The following MYO9B variants were observed in gnomAD, a reference collection of about 807,000 sequenced individuals.
MYO9B encodes unconventional myosin-IXb.
A neutral mutation model predicts 229.5 loss-of-function variants in MYO9B; 71 were observed. The ratio of observed to expected loss-of-function variants is 0.31; its 90% CI spans 0.26 to 0.38. The LOEUF is 0.38. MYO9B is among the 10% of genes least tolerant of loss of function. The pLI is 1.00. For missense variants in MYO9B, 2,255 were observed against 2,920.5 expected (o/e 0.77, Z 5.25); for synonymous variants, 1,185 against 1,235.8 (o/e 0.96, Z 0.86).
intron 2 of MYO9B, among the ~76,000 whole-genome samples, chr19:17,117,952 A>AG (rs1182247866): frequency 2.6e-5 from 4 of 151,346 alleles, no homozygotes; most frequent in South Asian, 2.1e-4. Flanking sequence ...AAAAAAAAAA[A>AG]AAAAAGAAAA....
Position 17,187,706 on chromosome 19 carries a change from C to T in MYO9B, c.2578-229C>T, listed in dbSNP as rs1023009871. On this transcript the variant is annotated intron_variant, in intron 18 of 39. Transcript: ENST00000682292. ...CCAGAAAGAGTGTCTGGAGCAAGGA[C>T]GGACCCCTTGTCCAGGTGCTCCTGG... Among the ~76,000 whole-genome samples, 9 of 152,110 alleles carry T rather than the reference C, an allele frequency of 5.9e-5. No homozygotes were observed. In the East Asian group the frequency reaches 1.4e-3, roughly 23 times the overall value.
rs554535521 is a variant in MYO9B at position 17,210,792 on chromosome 19, T to C, written c.5874T>C (p.Asp1958=). 6.3e-7 allele frequency: 1 copy of C among 1,591,672 alleles called. No individual in the cohort carries two copies. The highest frequency in any genetic ancestry group is 1.3e-5 in the African/African-American group (1 of 74,466). Residue 1958 remains aspartate (D), a synonymous_variant, in exon 38 of 40, where the codon GAT becomes GAC. Coordinates refer to ENST00000682292, the MANE Select transcript of MYO9B (RefSeq NM_004145.4). ...VLLEEEAAGG[D]EDREKEILIE... ...TGGAGGAGGAGGCAGCCGGCGGCGA[T>C]GAGGACCGGGAAAAGGAGATTCTCA...
At chr19:17,177,021 T>C (rs1167709830) in intron 14 of MYO9B, among the ~76,000 whole-genome samples, 2 of 151,970 alleles carry the variant, frequency 1.3e-5, no homozygotes, top group Non-Finnish European at 2.9e-5. Context: ...GCCAACATGG[T>C]GAAACCTCGT....
chr19:17,208,079 G>C (rs2145516006), intron 35 of MYO9B: 1 of 151,986 alleles, frequency 6.6e-6, no homozygotes, highest in East Asian at 1.9e-4. Context: ...CAGCTACTGG[G>C]AGGTGGAGGC....
chr19:17,210,520 C>A, intron 37 of MYO9B, 140 bp downstream of exon 37: 1 of 1,252,244 alleles, frequency 8.0e-7, no homozygotes, highest in Non-Finnish European at 1.1e-6. Context: ...AGGCCCCTTG[C>A]CTGCTGACCT....
chr19:17,167,485 T>G lies in MYO9B; in HGVS notation c.1672-458T>G, dbSNP rs918673641. 1.0e-3 allele frequency among the ~76,000 whole-genome samples: 156 copies of G among 150,748 alleles called. 1 individual carries two copies. The highest frequency in any genetic ancestry group is 3.7e-3 in the African/African-American group (152 of 41,076). On this transcript the variant is annotated intron_variant, in intron 10 of 39. Transcript: ENST00000682292. ...TATTATTAGAGCTATTTTTTTTTTT[T>G]TTTTTTTGTGACGGAGTTTCGCTCT...
At chr19:17,192,161 C>T (rs1051371688) in intron 20 of MYO9B, among the ~76,000 whole-genome samples, 2 of 151,758 alleles carry the variant, frequency 1.3e-5, no homozygotes, top group Admixed American at 6.6e-5. Context: ...TTATTACAGG[C>T]ACACACCTGT....
At chr19:17,144,200 AG>A (rs1284668978) in intron 2 of MYO9B, among the ~76,000 whole-genome samples, 1 of 150,874 alleles carries the variant, frequency 6.6e-6, no homozygotes, top group Non-Finnish European at 1.5e-5. Context: ...TGGGCAACAG[AG>A]CGAGACCCCA....
In MYO9B at chr19:17,102,267, G is replaced by C; in HGVS notation, c.550G>C (p.Val184Leu). 6.2e-7 allele frequency: 1 copy of C among 1,614,014 alleles called. No individual in the cohort carries two copies. Among genetic ancestry groups the C allele is most frequent in the Non-Finnish European group, 8.5e-7 (1 of 1,179,898 alleles). ...CTACACGTACGCGGGGAGCATCCTG[G>C]TGGCCATCAACCCCTTTAAGTTCCT... ...KIYTYAGSILVAINPFKFLPI... is the reference protein window; with the variant it reads ...KIYTYAGSILLAINPFKFLPI... Residue 184 changes from valine (V) to leucine (L), a missense_variant, in exon 2 of 40, where the codon GTG becomes CTG. Transcript: ENST00000682292.
intron 2 of MYO9B, among the ~76,000 whole-genome samples, chr19:17,140,062 T>TTGGATGGA (rs1017422653): frequency 4.6e-5 from 7 of 150,958 alleles, no homozygotes; most frequent in Admixed American, 1.3e-4. Flanking sequence ...GAAAAAATGA[T>TTGGATGGA]TGGATGGATG....
At chr19:17,165,339 T>C (rs868560602) in intron 10 of MYO9B, among the ~76,000 whole-genome samples, 2 of 150,946 alleles carry the variant, frequency 1.3e-5, no homozygotes, top group Non-Finnish European at 2.9e-5. Context: ...CCAGCCTGGG[T>C]GACAGACGAG....
At chr19:17,117,293 C>T (rs542360727) in intron 2 of MYO9B, among the ~76,000 whole-genome samples, 27 of 152,312 alleles carry the variant, frequency 1.8e-4, no homozygotes, top group African/African-American at 5.5e-4. Flanking sequence ...CTGCAGGCCT[C>T]GCCCTGGGCA....
chr19:17,098,157 C>T (rs1199452419), intron 1 of MYO9B, among the ~76,000 whole-genome samples: 1 of 151,732 alleles, frequency 6.6e-6, no homozygotes, highest in Non-Finnish European at 1.5e-5. Context: ...CAGATTCAAG[C>T]GATTCTCCTG....
chr19:17,102,653 T>C (rs2057756374), intron 2 of MYO9B, 96 bp downstream of exon 2: 2 of 1,433,078 alleles, frequency 1.4e-6, no homozygotes, highest in African/African-American at 1.4e-5. Context: ...ATAATCCCAA[T>C]GCTTTGGAAG....
chr19:17,145,997 G>A (rs532584172), intron 3 of MYO9B, among the ~76,000 whole-genome samples: 1 of 150,938 alleles, frequency 6.6e-6, no homozygotes, highest in Non-Finnish European at 1.5e-5. Flanking sequence ...AGAGACAGAT[G>A]GATTCATGGG....
chr19:17,138,618 C>A (rs2072300536), intron 2 of MYO9B, among the ~76,000 whole-genome samples: 1 of 152,094 alleles, frequency 6.6e-6, no homozygotes, highest in Non-Finnish European at 1.5e-5. Flanking sequence ...ATTCAGGCTG[C>A]CCCACAAAAG....
At chr19:17,113,345 G>C (rs1489558940) in intron 2 of MYO9B, among the ~76,000 whole-genome samples, 1 of 152,172 alleles carries the variant, frequency 6.6e-6, no homozygotes, top group Non-Finnish European at 1.5e-5. Flanking sequence ...TGGGGAAGCA[G>C]GGCCAGGGTC....
At position 17,195,283 on chromosome 19, in the gene MYO9B, G is replaced by A; in HGVS notation, c.3856G>A (p.Glu1286Lys). 1.2e-6 allele frequency: 2 copies of A among 1,612,520 alleles called. No individual in the cohort carries two copies. Among genetic ancestry groups the A allele is most frequent in the Admixed American group, 1.7e-5 (1 of 59,994 alleles). The part of the protein sequence containing the change: ...SKPCGSPRVQ[E>K]KPDSPGGSTQ... ...ACCATGTGGCAGCCCAAGGGTTCAG[G>A]AAAAGCCCGACAGCCCCGGAGGCTC... The change falls in exon 22 of 40, where the codon GAA becomes AAA. Residue 1286 changes from glutamate to lysine, a missense_variant. Glu to Lys is a moderately conservative substitution (Grantham distance 56, BLOSUM62 1). Coordinates refer to ENST00000682292, the MANE Select transcript of MYO9B (RefSeq NM_004145.4). This position sits in a 1 kb window ranked among gnomAD's most constrained non-coding sequence, Gnocchi z 4.5.
chr19:17,166,311 G>A (rs1205785236), intron 10 of MYO9B, among the ~76,000 whole-genome samples: 1 of 152,160 alleles, frequency 6.6e-6, no homozygotes, highest in Non-Finnish European at 1.5e-5. Flanking sequence ...TCAAAGTGCT[G>A]GGATTACAGG....
Sources: allele counts gnomAD v4.1 joint callset (sites outside exome capture counted in the v4.1 genomes callset), GRCh38; gene constraint gnomAD v4.1.1; non-coding constraint Gnocchi (gnomAD v3.1); transcripts MANE v1.5; gene names NCBI Gene and HGNC (gene_info 2026-07-23, HGNC 2026-07-21).